FSTL1: variants seen among roughly 807,000 people sequenced by gnomAD.
The protein encoded by FSTL1 is follistatin like 1, also known as follistatin-related protein 1.
Under a neutral mutation model 45.9 loss-of-function variants are expected in FSTL1, and 24 were observed. The ratio of observed to expected loss-of-function variants is 0.52; its 90% confidence interval spans 0.38 to 0.74. The LOEUF (loss-of-function observed/expected upper bound fraction) is 0.74. Ranked by LOEUF, FSTL1 falls within the 30% of genes least tolerant of loss-of-function variation. FSTL1 has a pLI of 0.00. For synonymous variants in FSTL1, 120 were observed against 137.6 expected, an observed-to-expected ratio of 0.87 and a Z score of 0.89; for missense variants, 340 against 381.8, an observed-to-expected ratio of 0.89 and a Z score of 0.91.
At chr3:120,416,865 T>G (rs1003543686) in intron 2 of FSTL1, among the ~76,000 whole-genome samples, 1 of 152,192 alleles carries the variant, frequency 6.6e-6, no homozygotes, top group Non-Finnish European at 1.5e-5. Context: ...ATGGTCTCAG[T>G]GTATGCCACC....
intron 5 of FSTL1, chr3:120,410,483 G>A (rs1254665431): frequency 1.7e-5 from 5 of 301,436 alleles, no homozygotes; most frequent in African/African-American, 4.4e-5. Flanking sequence ...AAAGGCTACC[G>A]TGAGAATCTA....
Position 120,399,868 on chromosome 3 carries a change from G to A in FSTL1, c.882+15C>T. On this transcript the variant is annotated intron_variant, in intron 10 of 10. Coordinates refer to ENST00000295633, the MANE Select transcript of FSTL1 (RefSeq NM_007085.5). ...CAACAGCAACACCTGAACCAGCACG[G>A]AGGCTGCCACTCACCTGATGCTTTT... 2 of 1,571,320 alleles carry A rather than the reference G, an allele frequency of 1.3e-6. No individual in the cohort carries two copies. The highest frequency in any genetic ancestry group is 1.1e-5 in the South Asian group (1 of 87,292).
At chr3:120,443,567 A>C (rs186909067) in intron 2 of FSTL1, among the ~76,000 whole-genome samples, 1 of 150,066 alleles carries the variant, frequency 6.7e-6, no homozygotes, top group East Asian at 1.9e-4. Flanking sequence ...ATAGAAAGAC[A>C]GAGAGACGTT....
intron 2 of FSTL1, among the ~76,000 whole-genome samples, chr3:120,445,891 A>G (rs1274911285): frequency 6.7e-6 from 1 of 149,896 alleles, no homozygotes; most frequent in African/African-American, 2.5e-5. Flanking sequence ...GAGGACAGTG[A>G]AGGGAAGGCC....
intron 3 of FSTL1, among the ~76,000 whole-genome samples, chr3:120,412,911 T>G (rs1301732989): frequency 6.7e-6 from 1 of 149,760 alleles, no homozygotes; most frequent in Non-Finnish European, 1.5e-5. Flanking sequence ...AAGGATCTCT[T>G]GCTGTATATA....
intron 2 of FSTL1, among the ~76,000 whole-genome samples, chr3:120,439,708 T>A (rs1937608810): frequency 6.6e-6 from 1 of 152,212 alleles, no homozygotes; most frequent in South Asian, 2.1e-4. Context: ...GTGAACAGTC[T>A]GTACAACCCT....
chr3:120,447,896 C>A (rs557593351), intron 2 of FSTL1, among the ~76,000 whole-genome samples: 1 of 152,314 alleles, frequency 6.6e-6, no homozygotes, highest in South Asian at 2.1e-4. Context: ...AGCAGTCCTC[C>A]CGTCTTGGCC....
rs1553702969 is a variant in FSTL1, at chr3:120,412,832, G to GCGCGCGCGCA, written c.169-850_169-849insTGCGCGCGCG. Among the ~76,000 whole-genome samples, 3 of 128,520 alleles carry GCGCGCGCGCA rather than the reference G, an allele frequency of 2.3e-5. No individual in the cohort carries two copies. The East Asian group carries it at 1.1e-3, about 48-fold the overall frequency. The allele number at this position is 128,520 out of a possible 152,430, so 84.3% of individuals were successfully genotyped here. ...CACACACACATGTGCGCGCGCGCGC[G>GCGCGCGCGCA]CGCGCGCACACACACACACACACAC... On this transcript the variant is annotated intron_variant, in intron 3 of 10. Coordinates refer to ENST00000295633, the MANE Select transcript of FSTL1 (RefSeq NM_007085.5).
intron 3 of FSTL1, 136 bp from the exon 4 acceptor site, chr3:120,412,119 C>A: frequency 2.3e-6 from 2 of 868,852 alleles, no homozygotes; most frequent in Non-Finnish European, 1.8e-6. Flanking sequence ...GGTGCTTCTA[C>A]CCCATCAGGG....
chr3:120,432,936 C>T (rs1428155373), intron 2 of FSTL1, among the ~76,000 whole-genome samples: 1 of 152,176 alleles, frequency 6.6e-6, no homozygotes. Context: ...TCCAGTGACA[C>T]TGAATGCCTT....
In FSTL1 at chr3:120,393,099, C is replaced by T. The variant is rs545188970; in HGVS notation, c.*3853G>A. ...TAAAAGTGGTTGTGGACAAGGTACC[C>T]TTCAAACTGGGTTTAAGATTCCCTT... On this transcript the variant is annotated 3_prime_UTR_variant, in exon 11 of 11. Coordinates refer to ENST00000295633, the MANE Select transcript of FSTL1 (RefSeq NM_007085.5). The T allele has an allele frequency of 3.3e-5, 5 of 152,278 alleles. No homozygotes were observed. The highest frequency in any genetic ancestry group is 1.2e-4 in the African/African-American group (5 of 41,556). 9.4% of individuals were successfully genotyped at this position (152,278 alleles called of 1,614,324 possible).
intron 2 of FSTL1, among the ~76,000 whole-genome samples, chr3:120,419,966 G>A (rs959886701): frequency 7.9e-5 from 12 of 152,128 alleles, no homozygotes; most frequent in African/African-American, 2.2e-4. Flanking sequence ...CAGAGGCATC[G>A]GAGAGTCAGG....
In FSTL1 at chr3:120,435,079, C is replaced by T. The variant is rs1199313649; in HGVS notation, c.63+15605G>A. 6.6e-5 allele frequency among the ~76,000 whole-genome samples: 10 copies of T among 151,974 alleles called. 1 individual carries two copies. The highest frequency in any genetic ancestry group is 2.0e-4 in the Admixed American group (3 of 15,238). On this transcript the variant is annotated intron_variant, in intron 2 of 10. Transcript: ENST00000295633. ...ACCAAAAATACAAAAATTAGCCGGG[C>T]GTGGTTGCAGGCACCTGTAATCCCA...
chr3:120,393,557 T>C lies in FSTL1; in HGVS notation c.*3395A>G, dbSNP rs1235046669. 6.6e-6 allele frequency: 1 copy of C among 152,198 alleles called. No homozygotes were observed. The highest frequency in any genetic ancestry group is 1.5e-5 in the Non-Finnish European group (1 of 68,026). The allele number at this position is 152,198 out of a possible 1,614,324, so 9.4% of individuals were successfully genotyped here. On this transcript the variant is annotated 3_prime_UTR_variant, in exon 11 of 11. Transcript: ENST00000295633. Reference sequence around the variant, plus strand: ...CCATGTTCCCTGTACTACCTTCCCATGTTTATTTGCCTTCTCACAGGCTAC... The same window carrying C: ...CCATGTTCCCTGTACTACCTTCCCACGTTTATTTGCCTTCTCACAGGCTAC...
intron 2 of FSTL1, among the ~76,000 whole-genome samples, chr3:120,446,675 G>A (rs1937749231): frequency 1.3e-5 from 2 of 152,186 alleles, no homozygotes; most frequent in South Asian, 2.1e-4. Flanking sequence ...TTAGATGCAA[G>A]GCTTACTTGA....
At chr3:120,446,701 A>C (rs999593122) in intron 2 of FSTL1, among the ~76,000 whole-genome samples, 6 of 152,230 alleles carry the variant, frequency 3.9e-5, no homozygotes, top group Non-Finnish European at 8.8e-5. Context: ...CCATCAGAAC[A>C]ATTCTAAAGA....
intron 5 of FSTL1, chr3:120,410,345 G>A (rs1937027782): frequency 5.6e-6 from 1 of 179,822 alleles, no homozygotes; most frequent in South Asian, 1.1e-4. Flanking sequence ...ACTGGGCCAG[G>A]GGAATGAAAA....
chr3:120,403,942 A>AC (rs1936887648), intron 7 of FSTL1, among the ~76,000 whole-genome samples: 1 of 119,354 alleles, frequency 8.4e-6, no homozygotes, highest in Non-Finnish European at 1.7e-5. Context: ...AAAAAAAAAA[A>AC]AACAAAAACA....
At chr3:120,438,644 C>G (rs1276473303) in intron 2 of FSTL1, among the ~76,000 whole-genome samples, 1 of 152,170 alleles carries the variant, frequency 6.6e-6, no homozygotes, top group Non-Finnish European at 1.5e-5. Context: ...GAATATCCGC[C>G]TCCTTTTATA....
Sources: gnomAD v4.1 joint callset for allele counts (sites outside exome capture counted in the v4.1 genomes callset) on GRCh38, gnomAD v4.1.1 for gene constraint, MANE v1.5 for transcripts, NCBI Gene and HGNC (gene_info 2026-07-23, HGNC 2026-07-21) for gene names.